CCDC187: variants seen among roughly 807,000 people sequenced by gnomAD.
CCDC187 encodes coiled-coil domain containing 187.
Under a neutral mutation model 38.0 loss-of-function variants are expected in CCDC187, and 32 were observed. That is an observed-to-expected ratio of 0.84 (90% CI 0.64 to 1.13). The LOEUF is 1.13. Among genes scored for constraint, CCDC187 ranks in the 50% most tolerant of loss-of-function variants. CCDC187 has a pLI of 0.00. For synonymous variants in CCDC187, 333 were observed against 347.9 expected (o/e 0.96, Z 0.48); for missense variants, 707 against 786.8 (o/e 0.90, Z 1.21).
intron 12 of CCDC187, among the ~76,000 whole-genome samples, chr9:136,275,529 GC>G (rs1215636769): frequency 6.6e-6 from 1 of 152,028 alleles, no homozygotes. Context: ...TCCTGGAGAT[GC>G]CCCCCAACAT....
chr9:136,287,989 C>A (rs1318529306), intron 7 of CCDC187, among the ~76,000 whole-genome samples: 2 of 152,160 alleles, frequency 1.3e-5, no homozygotes, highest in African/African-American at 4.8e-5. Flanking sequence ...AGCCACCATG[C>A]CCAGCTATAA....
chr9:136,301,299 A>T (rs1831674443), intron 2 of CCDC187, among the ~76,000 whole-genome samples: 1 of 151,706 alleles, frequency 6.6e-6, no homozygotes, highest in Non-Finnish European at 1.5e-5. Context: ...CTACGAAAAC[A>T]TGCACTGCCT....
intron 10 of CCDC187, among the ~76,000 whole-genome samples, chr9:136,278,114 G>A (rs1168342704): frequency 2.6e-5 from 4 of 152,244 alleles, no homozygotes; most frequent in African/African-American, 9.6e-5. Context: ...ACACTTCTTT[G>A]TTTGGGTTCA....
At chr9:136,294,795 C>T (rs1441745116) in intron 4 of CCDC187, among the ~76,000 whole-genome samples, 6 of 152,336 alleles carry the variant, frequency 3.9e-5, no homozygotes, top group African/African-American at 1.4e-4. Context: ...CAGGACAGGA[C>T]CCCAGGCCAT....
At chr9:136,295,060 C>A (rs1831501706) in intron 4 of CCDC187, among the ~76,000 whole-genome samples, 1 of 152,260 alleles carries the variant, frequency 6.6e-6, no homozygotes. Context: ...CAGTCACGAT[C>A]ATTGCAGGAG....
chr9:136,297,431 C>T (rs923428547), intron 4 of CCDC187, among the ~76,000 whole-genome samples: 8,686 of 152,196 alleles, frequency 0.057, 683 homozygotes, highest in African/African-American at 0.18. Flanking sequence ...ACAATAGTGC[C>T]TGGTGTTTGG....
At chr9:136,281,745 A>G (rs1831048706) in intron 9 of CCDC187, 82 bp from the exon 10 acceptor site, 3 of 398,006 alleles carry the variant, frequency 7.5e-6, no homozygotes, top group Non-Finnish European at 1.3e-5. Flanking sequence ...ACAGCCCCTC[A>G]TTGAGCAGGA....
At chr9:136,293,686 G>C (rs2131327905) in intron 4 of CCDC187, among the ~76,000 whole-genome samples, 1 of 151,076 alleles carries the variant, frequency 6.6e-6, no homozygotes, top group East Asian at 2.0e-4. Context: ...CCTCGCACGT[G>C]CTGTCACACA....
Position 136,255,052 on chromosome 9 carries a change from A to G in CCDC187, c.4776T>C (p.Gly1592=). ...TTCCAGAAGCAGACTCAGAGCCTGG[A>G]CCGCAGGAGGAGGTGGTGGGGAGAA... The part of the protein sequence containing the change: ...SPLLPTTSSC[G]PGSESASGTC... Residue 1592 remains glycine (G), a synonymous_variant, in exon 26 of 26, where the codon GGT becomes GGC. Transcript: ENST00000638797. The G allele has an allele frequency of 1.0e-6, 1 of 985,474 alleles. No individual in the cohort carries two copies. Among genetic ancestry groups the G allele is most frequent in the Non-Finnish European group, 1.2e-6 (1 of 829,988 alleles). 61.0% of individuals were successfully genotyped at this position (985,474 alleles called of 1,614,324 possible).
chr9:136,285,480 T>C (rs1442645112), intron 9 of CCDC187, 33 bp downstream of exon 9: 221 of 32,144 alleles, frequency 6.9e-3, no homozygotes, highest in African/African-American at 0.027. Context: ...GGTGGGCAGG[T>C]GGGCAGGTGG....
intron 24 of CCDC187, 77 bp from the exon 25 acceptor site, chr9:136,255,810 C>G (rs1373927195): frequency 1.4e-6 from 1 of 715,392 alleles, no homozygotes; most frequent in Non-Finnish European, 1.7e-6. Context: ...CTGTCAGGGA[C>G]CCCACCAGGC....
intron 20 of CCDC187, 25 bp from the exon 21 acceptor site, chr9:136,259,473 A>T: frequency 1.0e-6 from 1 of 975,202 alleles, no homozygotes; most frequent in Non-Finnish European, 1.2e-6. Context: ...CCCAGGAGTC[A>T]CCAGCAGCAA....
chr9:136,251,644 A>AC lies in CCDC187; in HGVS notation c.*1949dup, dbSNP rs1830537630. Reference sequence around the variant, plus strand: ...CTCTTGGCCTTCGCTGATCCCCATGACCCCCTTCCTGGCATAGGCGCTGCT... The same window carrying AC: ...CTCTTGGCCTTCGCTGATCCCCATGACCCCCCTTCCTGGCATAGGCGCTGCT... On this transcript the variant is annotated 3_prime_UTR_variant, in exon 26 of 26. Transcript: ENST00000638797. The AC allele has an allele frequency of 1.9e-5, 3 of 155,796 alleles. No individual in the cohort carries two copies. Among genetic ancestry groups the AC allele is most frequent in the Admixed American group, 1.3e-4 (2 of 15,882 alleles). 9.7% of individuals were successfully genotyped at this position (155,796 alleles called of 1,614,324 possible).
At chr9:136,259,524 C>T (rs1169576611) in intron 20 of CCDC187, 76 bp from the exon 21 acceptor site, 5 of 717,704 alleles carry the variant, frequency 7.0e-6, no homozygotes, top group East Asian at 2.6e-4. Flanking sequence ...GAGGCAGGGG[C>T]AGAATGGAGC....
intron 10 of CCDC187, among the ~76,000 whole-genome samples, chr9:136,278,883 C>T (rs1383404289): frequency 6.6e-6 from 1 of 152,268 alleles, no homozygotes; most frequent in Non-Finnish European, 1.5e-5. Context: ...TGGCTGGTGG[C>T]TACCATATTG....
Position 136,258,149 on chromosome 9 carries a change from C to T in CCDC187, c.4366+783G>A, listed in dbSNP as rs115270098. Among the ~76,000 whole-genome samples, 1,819 of 152,244 alleles carry T rather than the reference C, an allele frequency of 0.012. 43 individuals carry two copies. Among genetic ancestry groups the T allele is most frequent in the African/African-American group, 0.042 (1,737 of 41,534 alleles). On this transcript the variant is annotated intron_variant, in intron 22 of 25. Coordinates refer to ENST00000638797, the MANE Select transcript of CCDC187 (RefSeq NM_001378188.1). This position sits in a 1 kb window ranked among gnomAD's most constrained non-coding sequence, Gnocchi z 4.3. Reference sequence around the variant, plus strand: ...GGTGACGCGGGACACAGAGGGAAAGCGCTCTGTATTCACTCCGCCTCCCAG... The same window carrying T: ...GGTGACGCGGGACACAGAGGGAAAGTGCTCTGTATTCACTCCGCCTCCCAG...
chr9:136,272,215 C>T (rs1361925247), intron 14 of CCDC187, among the ~76,000 whole-genome samples: 1 of 152,162 alleles, frequency 6.6e-6, no homozygotes, highest in Non-Finnish European at 1.5e-5. Flanking sequence ...AAATCTACAT[C>T]TACCGGAAGC....
At chr9:136,301,036 G>A (rs985356813) in intron 2 of CCDC187, among the ~76,000 whole-genome samples, 13 of 152,202 alleles carry the variant, frequency 8.5e-5, no homozygotes, top group South Asian at 2.1e-4. Flanking sequence ...GTGGCTCCGC[G>A]GAGCCACCAG....
chr9:136,289,770 G>A (rs1288288332), intron 7 of CCDC187, among the ~76,000 whole-genome samples, 189 bp downstream of exon 7: 1 of 152,188 alleles, frequency 6.6e-6, no homozygotes, highest in Non-Finnish European at 1.5e-5. Context: ...ATGAGAACAA[G>A]CACAGTGGTG....
Sources: allele counts gnomAD v4.1 joint callset (sites outside exome capture counted in the v4.1 genomes callset), GRCh38; gene constraint gnomAD v4.1.1; non-coding constraint Gnocchi (gnomAD v3.1); transcripts MANE v1.5; gene names NCBI Gene and HGNC (gene_info 2026-07-23, HGNC 2026-07-21).